Variants in RFX2 observed in about 807,000 individuals in gnomAD.
The protein encoded by RFX2 is DNA-binding protein RFX2.
A neutral mutation model predicts 87.8 loss-of-function variants in RFX2; 20 were observed. The observed-to-expected ratio is 0.23, with a 90% CI of 0.16 to 0.33. The LOEUF is 0.33. Ranked by LOEUF, RFX2 falls within the 10% of genes least tolerant of loss-of-function variation. The probability of loss-of-function intolerance (pLI) is 1.00; values close to 1 mark genes in which losing one functional copy is unlikely to be tolerated. For missense variants in RFX2, 767 were observed against 1,012.3 expected, an observed-to-expected ratio of 0.76 and a Z score of 3.29; for synonymous variants, 397 against 431.3, an observed-to-expected ratio of 0.92 and a Z score of 0.98.
In RFX2 at chr19:6,007,614, T is replaced by C; in HGVS notation, c.1247+76A>G. On this transcript the variant is annotated intron_variant, in intron 11 of 17. Transcript: ENST00000303657. This position sits in a 1 kb window ranked among gnomAD's most constrained non-coding sequence, Gnocchi z 8.2. Reference sequence around the variant, plus strand: ...ATTCTTGGAGAGCTGAGGCTTTCGTTTGTGGGTTACCTGTGGACGTCAGCA... The same window carrying C: ...ATTCTTGGAGAGCTGAGGCTTTCGTCTGTGGGTTACCTGTGGACGTCAGCA... 1 of 831,470 alleles carries C rather than the reference T, an allele frequency of 1.2e-6. No homozygotes were observed. Among genetic ancestry groups the C allele is most frequent in the Admixed American group, 2.1e-5 (1 of 47,450 alleles). The allele number at this position is 831,470 out of a possible 1,614,324, so 51.5% of individuals were successfully genotyped here. A position where few individuals can be genotyped will look rare whatever the true frequency, so the allele number is the denominator to read the frequency against.
rs767217699 is a variant in RFX2 at position 6,061,372 on chromosome 19, A to G, written c.-8-13868T>C. Among the ~76,000 whole-genome samples the G allele has an allele frequency of 2.1e-5, 3 of 140,238 alleles. No homozygotes were observed. Among genetic ancestry groups the G allele is most frequent in the Non-Finnish European group, 3.0e-5 (2 of 65,956 alleles). 92.0% of individuals were successfully genotyped at this position (140,238 alleles called of 152,430 possible). A position where few individuals can be genotyped will look rare whatever the true frequency, so the allele number is the denominator to read the frequency against. On this transcript the variant is annotated intron_variant, in intron 1 of 17. Transcript: ENST00000303657. This position sits in a 1 kb window ranked among gnomAD's most constrained non-coding sequence, Gnocchi z 5.2. Reference sequence around the variant, plus strand: ...GTGTGTGTGCTAAATCAAGGGATTAACTACCAAGGTGGGGGTTCCAGACCA... The same window carrying G: ...GTGTGTGTGCTAAATCAAGGGATTAGCTACCAAGGTGGGGGTTCCAGACCA...
chr19:6,059,373 C>T (rs2144804270), intron 1 of RFX2, among the ~76,000 whole-genome samples: 1 of 152,212 alleles, frequency 6.6e-6, no homozygotes, highest in South Asian at 2.1e-4. Flanking sequence ...AATAATATAC[C>T]AAATTCAGGG....
chr19:6,031,979 G>A lies in RFX2; in HGVS notation c.523-5742C>T, dbSNP rs79978985. Among the ~76,000 whole-genome samples, 683 of 151,994 alleles carry A rather than the reference G, an allele frequency of 4.5e-3. 8 individuals are homozygous for A. The East Asian group carries it at 0.071, about 16-fold the overall frequency. On this transcript the variant is annotated intron_variant, in intron 5 of 17. Transcript: ENST00000303657. ...AAATATGGAGACACGAGACAGAGAG[G>A]GCCACTCCCAAACCTGCTGTAGTTA...
chr19:6,089,489 C>T (rs571411749), intron 1 of RFX2, among the ~76,000 whole-genome samples: 39 of 152,304 alleles, frequency 2.6e-4, no homozygotes, highest in African/African-American at 9.1e-4. Flanking sequence ...AAACCTAACC[C>T]CCAATATGAC....
intron 1 of RFX2, among the ~76,000 whole-genome samples, chr19:6,052,373 T>C (rs917332492): frequency 1.3e-5 from 2 of 152,164 alleles, no homozygotes; most frequent in Non-Finnish European, 2.9e-5. Context: ...GTAATACAGC[T>C]TCAAGATACG....
At chr19:6,071,955 T>G (rs2087612385) in intron 1 of RFX2, 1 of 152,220 alleles carries the variant, frequency 6.6e-6, no homozygotes, top group Admixed American at 6.5e-5. Context: ...TCTCCCGGTG[T>G]GGGGTTGGGG....
In RFX2 at chr19:6,039,633, T is replaced by C. The variant is rs1047786646; in HGVS notation, c.522+347A>G. On this transcript the variant is annotated intron_variant, in intron 5 of 17. Coordinates refer to ENST00000303657, the MANE Select transcript of RFX2 (RefSeq NM_000635.4). The surrounding 1 kb of genome is among the most constrained non-coding windows in gnomAD (Gnocchi z 5.2). ...TCTCATGGATGGATTGATCCACGCC[T>C]CTAAAAGCTTGATAGTAACAACGAT... Among the ~76,000 whole-genome samples the C allele has an allele frequency of 6.6e-6, 1 of 152,194 alleles. No homozygotes were observed. The highest frequency in any genetic ancestry group is 2.4e-5 in the African/African-American group (1 of 41,452).
intron 1 of RFX2, among the ~76,000 whole-genome samples, chr19:6,075,310 G>T (rs1298103544): frequency 1.3e-5 from 2 of 151,466 alleles, no homozygotes; most frequent in African/African-American, 4.9e-5. Flanking sequence ...GATGGACTTA[G>T]AGACACAAGG....
At chr19:6,090,590 G>A (rs530701176) in intron 1 of RFX2, among the ~76,000 whole-genome samples, 35 of 152,210 alleles carry the variant, frequency 2.3e-4, no homozygotes, top group Admixed American at 2.6e-4. Flanking sequence ...ACTCCCTGCC[G>A]GTGGGACTGT....
intron 3 of RFX2, among the ~76,000 whole-genome samples, chr19:6,043,178 G>A (rs2087135553): frequency 6.6e-6 from 1 of 152,212 alleles, no homozygotes; most frequent in South Asian, 2.1e-4. Flanking sequence ...GCTGGGGCAG[G>A]CCCAGCACCA....
At chr19:6,097,259 G>C (rs571790936) in intron 1 of RFX2, among the ~76,000 whole-genome samples, 1 of 152,188 alleles carries the variant, frequency 6.6e-6, no homozygotes, top group Non-Finnish European at 1.5e-5. Flanking sequence ...TTTCTGGCAA[G>C]AGCAGGGTGC....
chr19:6,003,769 ACT>A (rs887969724), intron 13 of RFX2, among the ~76,000 whole-genome samples: 7 of 121,268 alleles, frequency 5.8e-5, no homozygotes, highest in African/African-American at 2.4e-4. Context: ...ACAGAGTGAG[ACT>A]CTGTCTCAAA....
intron 12 of RFX2, among the ~76,000 whole-genome samples, chr19:6,006,283 C>A (rs2086579174): frequency 6.6e-6 from 1 of 152,056 alleles, no homozygotes; most frequent in Non-Finnish European, 1.5e-5. Context: ...GCCTCAGCCT[C>A]CTGGGTCGCT....
intron 1 of RFX2, among the ~76,000 whole-genome samples, chr19:6,096,421 C>T (rs377539085): frequency 4.7e-5 from 7 of 149,498 alleles, no homozygotes; most frequent in African/African-American, 1.3e-4. Flanking sequence ...CGCACACTCT[C>T]GTTTTTGTTT....
chr19:6,068,459 A>G lies in RFX2; in HGVS notation c.-8-20955T>C, dbSNP rs146253289. Reference sequence around the variant, plus strand: ...TATGTCGTACGTCAGATGACACCCTATATCATATGGTGACAAGTACCAGGG... The same window carrying G: ...TATGTCGTACGTCAGATGACACCCTGTATCATATGGTGACAAGTACCAGGG... On this transcript the variant is annotated intron_variant, in intron 1 of 17. Coordinates refer to ENST00000303657, the MANE Select transcript of RFX2 (RefSeq NM_000635.4). 8.9e-3 allele frequency: 1,361 copies of G among 152,330 alleles called. 5 individuals carry two copies. The highest frequency in any genetic ancestry group is 0.014 in the Non-Finnish European group (936 of 68,044). 9.4% of individuals were successfully genotyped at this position (152,330 alleles called of 1,614,324 possible).
chr19:6,088,414 T>G (rs554102842), intron 1 of RFX2, among the ~76,000 whole-genome samples: 114 of 152,158 alleles, frequency 7.5e-4, no homozygotes, highest in African/African-American at 2.7e-3. Context: ...TTTCTCCCTG[T>G]TGGTCAGACT....
At position 5,994,791 on chromosome 19, in the gene RFX2, A is replaced by G. The variant is rs750741609; in HGVS notation, c.*44T>C. 17 of 1,284,258 alleles carry G rather than the reference A, an allele frequency of 1.3e-5. No individual in the cohort carries two copies. In the South Asian group the frequency reaches 2.0e-4, roughly 15 times the overall value. 79.6% of individuals were successfully genotyped at this position (1,284,258 alleles called of 1,614,324 possible). A position where few individuals can be genotyped will look rare whatever the true frequency, so the allele number is the denominator to read the frequency against. ...TGAAATCCAGGTTCCCAGAGTGACC[A>G]GGCGGCATCTTTTGGAACCTCGAGG... On this transcript the variant is annotated 3_prime_UTR_variant, in exon 18 of 18. Coordinates refer to ENST00000303657, the MANE Select transcript of RFX2 (RefSeq NM_000635.4).
At position 6,001,749 on chromosome 19, in the gene RFX2, C is replaced by A. The variant is rs1299406812; in HGVS notation, c.1859+66G>T. Reference sequence around the variant, plus strand: ...TGAGCTCACCAGCCGAGCCCCCTACCCTCTAGAAGTTTCTCTCAGAGCCCC... The same window carrying A: ...TGAGCTCACCAGCCGAGCCCCCTACACTCTAGAAGTTTCTCTCAGAGCCCC... On this transcript the variant is annotated intron_variant, in intron 15 of 17. Transcript: ENST00000303657. The surrounding 1 kb of genome is among the most constrained non-coding windows in gnomAD (Gnocchi z 5.6). 8 of 1,407,674 alleles carry A rather than the reference C, an allele frequency of 5.7e-6. No individual in the cohort carries two copies. The Admixed American group carries it at 1.7e-4, about 29-fold the overall frequency. 87.2% of individuals were successfully genotyped at this position (1,407,674 alleles called of 1,614,324 possible).
intron 5 of RFX2, among the ~76,000 whole-genome samples, chr19:6,031,555 G>A (rs1407131119): frequency 1.4e-5 from 2 of 142,194 alleles, no homozygotes; most frequent in Admixed American, 7.6e-5. Flanking sequence ...TCAGCCTCCC[G>A]AGCAGCTGGG....
Sources: allele counts gnomAD v4.1 joint callset (sites outside exome capture counted in the v4.1 genomes callset), GRCh38; gene constraint gnomAD v4.1.1; non-coding constraint Gnocchi (gnomAD v3.1); transcripts MANE v1.5; gene names NCBI Gene and HGNC (gene_info 2026-07-23, HGNC 2026-07-21).